Variants in PLEKHA6 observed in about 807,000 individuals in gnomAD.
PLEKHA6 encodes the protein pleckstrin homology domain-containing family A member 6.
In PLEKHA6, 60 loss-of-function variants were observed where a neutral mutation model predicts 116.7. The ratio of observed to expected loss-of-function variants is 0.51; its 90% CI spans 0.42 to 0.64. The LOEUF (loss-of-function observed/expected upper bound fraction) is 0.64. PLEKHA6 is among the 30% of genes least tolerant of loss of function. The pLI is 0.00. For missense variants in PLEKHA6, 1,338 were observed against 1,422.7 expected (o/e 0.94, Z 0.96); for synonymous variants, 489 against 556.1 (o/e 0.88, Z 1.70).
At chr1:204,357,835 C>T (rs887029123) in intron 1 of PLEKHA6, among the ~76,000 whole-genome samples, 11 of 152,240 alleles carry the variant, frequency 7.2e-5, no homozygotes, top group African/African-American at 2.7e-4. Context: ...TCTATGAGCC[C>T]GAGGCTGCAG....
chr1:204,244,078 C>T (rs1374580484), intron 15 of PLEKHA6, among the ~76,000 whole-genome samples: 4 of 152,112 alleles, frequency 2.6e-5, no homozygotes, highest in Non-Finnish European at 5.9e-5. Flanking sequence ...ACCTCAGCCA[C>T]CCAAAGTTCT....
intron 17 of PLEKHA6, among the ~76,000 whole-genome samples, chr1:204,232,082 G>C (rs567931494): frequency 8.5e-5 from 13 of 152,286 alleles, no homozygotes; most frequent in Admixed American, 7.2e-4. Context: ...CGTGTTATTA[G>C]AAAGGGAAGA....
chr1:204,359,195 C>T (rs1174331992), intron 1 of PLEKHA6, among the ~76,000 whole-genome samples: 1 of 152,112 alleles, frequency 6.6e-6, no homozygotes, highest in East Asian at 1.9e-4. Flanking sequence ...CCTCTGTCAC[C>T]CTTCGACCCA....
chr1:204,275,803 T>C (rs1667945200), intron 1 of PLEKHA6: 3 of 686,300 alleles, frequency 4.4e-6, no homozygotes, highest in Non-Finnish European at 5.4e-6. Context: ...ATTCAGCCAG[T>C]GGAGGGACTA....
chr1:204,240,362 G>C (rs1416600533), intron 17 of PLEKHA6, among the ~76,000 whole-genome samples: 1 of 152,216 alleles, frequency 6.6e-6, no homozygotes, highest in East Asian at 1.9e-4. Flanking sequence ...ATACAGAATG[G>C]ATAGCAAAAG....
Position 204,259,106 on chromosome 1 carries a change from G to T in PLEKHA6, c.1007+152C>A. ...GAGCCATGGGGCAGGCAGGATTTGG[G>T]CAAGCCAGGAAGCATGGGATTTGCT... On this transcript the variant is annotated intron_variant, in intron 8 of 22. Transcript: ENST00000272203. This position sits in a 1 kb window ranked among gnomAD's most constrained non-coding sequence, Gnocchi z 4.6. 1 of 878,816 alleles carries T rather than the reference G, an allele frequency of 1.1e-6. No homozygotes were observed. Among genetic ancestry groups the T allele is most frequent in the Non-Finnish European group, 1.7e-6 (1 of 587,882 alleles). The allele number at this position is 878,816 out of a possible 1,614,324, so 54.4% of individuals were successfully genotyped here.
intron 1 of PLEKHA6, chr1:204,281,111 C>T (rs1668546158): frequency 2.6e-6 from 1 of 386,360 alleles, no homozygotes; most frequent in Non-Finnish European, 3.5e-6. Flanking sequence ...CACTTGAGCC[C>T]AGGAGGTCGA....
rs1346164396 is a variant in PLEKHA6 at position 204,250,567 on chromosome 1, C to T, written c.1572G>A (p.Lys524=). ...EVFRDSLHTY[K]LNEQDTDKLL... is the part of the protein sequence containing the mutation. ...TTACATCTGTGTCTTGCTCGTTTAACTTGTAGGTGTGGAGGCTGTCCCGGA... is the reference window on the plus strand; with the variant it reads ...TTACATCTGTGTCTTGCTCGTTTAATTTGTAGGTGTGGAGGCTGTCCCGGA... The change falls in exon 10 of 23, where the codon AAG becomes AAA. Residue 524 remains lysine (K), a synonymous_variant. Coordinates refer to ENST00000272203, the MANE Select transcript of PLEKHA6 (RefSeq NM_014935.5). 6.2e-6 allele frequency: 10 copies of T among 1,612,836 alleles called. No homozygotes were observed. Among genetic ancestry groups the T allele is most frequent in the Non-Finnish European group, 8.5e-6 (10 of 1,179,568 alleles).
chr1:204,297,315 C>T (rs748446627), intron 1 of PLEKHA6: 92 of 537,788 alleles, frequency 1.7e-4, no homozygotes, highest in Non-Finnish European at 2.2e-4. Context: ...AAGACTAATC[C>T]TCGTCCCCCT....
At chr1:204,371,596 T>C (rs534938678) in exon 2 of PLEKHA6, 2 of 152,358 alleles carry the variant, frequency 1.3e-5, no homozygotes, top group South Asian at 4.1e-4. Context: ...CTGGTTGACT[T>C]TTCCTCATCA....
chr1:204,339,764 T>C (rs1387219114), intron 1 of PLEKHA6, among the ~76,000 whole-genome samples: 3 of 152,212 alleles, frequency 2.0e-5, no homozygotes, highest in Admixed American at 1.3e-4. Flanking sequence ...ATGACAGAAT[T>C]ACTTATAGCT....
intron 1 of PLEKHA6, among the ~76,000 whole-genome samples, chr1:204,349,621 G>GGTGGGCT (rs1454184021): frequency 1.3e-5 from 2 of 152,140 alleles, no homozygotes; most frequent in Non-Finnish European, 2.9e-5. Context: ...CAGGCGTTAG[G>GGTGGGCT]GTGGGCTGTG....
At position 204,257,781 on chromosome 1, in the gene PLEKHA6, G is replaced by A. The variant is rs142879968; in HGVS notation, c.1096C>T (p.Pro366Ser). ...SQYPDDYQYYPPGVRPESICS... is the reference protein window; with the variant it reads ...SQYPDDYQYYSPGVRPESICS... ...ATGCTCTCCGGCCGCACTCCTGGCG[G>A]GTAGTACTGATAATCATCGGGGTAC... Residue 366 changes from proline to serine, a missense_variant, in exon 9 of 23, where the codon CCG becomes TCG. Physicochemically the swap from Pro to Ser is moderately conservative, Grantham distance 74. This residue lies in a region of PLEKHA6 where 1,136 missense variants were observed against 1,163.6 expected (regional missense o/e 0.98). Transcript: ENST00000272203. This position sits in a 1 kb window ranked among gnomAD's most constrained non-coding sequence, Gnocchi z 6.5. 4 of 1,613,942 alleles carry A rather than the reference G, an allele frequency of 2.5e-6. No individual in the cohort carries two copies. The African/African-American group carries it at 5.3e-5, about 22-fold the overall frequency.
intron 6 of PLEKHA6, chr1:204,262,159 C>T (rs190335257): frequency 6.6e-6 from 1 of 152,406 alleles, no homozygotes; most frequent in East Asian, 1.9e-4. Context: ...TCCTCTTCTA[C>T]TCAGCATTCC....
intron 13 of PLEKHA6, among the ~76,000 whole-genome samples, 181 bp downstream of exon 13, chr1:204,247,184 A>G (rs1482380204): frequency 6.6e-6 from 1 of 152,178 alleles, no homozygotes; most frequent in Non-Finnish European, 1.5e-5. Context: ...TGTCTAACTG[A>G]AGTCTCCCAA....
intron 1 of PLEKHA6, chr1:204,347,339 C>A: frequency 2.9e-6 from 2 of 678,520 alleles, no homozygotes; most frequent in South Asian, 1.6e-5. Flanking sequence ...TGGCTCTGTT[C>A]TGCCTGGCTC....
At position 204,259,186 on chromosome 1, in the gene PLEKHA6, G is replaced by A. The variant is rs1665764816; in HGVS notation, c.1007+72C>T. 4.6e-6 allele frequency: 7 copies of A among 1,517,664 alleles called. No individual in the cohort carries two copies. In the South Asian group the frequency reaches 7.5e-5, roughly 16 times the overall value. The allele number at this position is 1,517,664 out of a possible 1,614,324, so 94.0% of individuals were successfully genotyped here. A position where few individuals can be genotyped will look rare whatever the true frequency, so the allele number is the denominator to read the frequency against. ...GGTTTCCAACAGGGGATGCCTCGTG[G>A]GCTATGACCCCACTCGCACGCTCTA... is the stretch of plus-strand genomic sequence containing the variant. On this transcript the variant is annotated intron_variant, in intron 8 of 22. Transcript: ENST00000272203. The surrounding 1 kb of genome is among the most constrained non-coding windows in gnomAD (Gnocchi z 4.6).
chr1:204,356,002 A>AC (rs1558199613), intron 1 of PLEKHA6, among the ~76,000 whole-genome samples: 5 of 144,320 alleles, frequency 3.5e-5, no homozygotes, highest in South Asian at 4.3e-4. Context: ...CACACACACA[A>AC]AAAAAATCCA....
chr1:204,322,082 G>T (rs1672083242), intron 1 of PLEKHA6, among the ~76,000 whole-genome samples: 1 of 152,236 alleles, frequency 6.6e-6, no homozygotes, highest in Non-Finnish European at 1.5e-5. Flanking sequence ...GCTAGTCCTC[G>T]AATTAACTCT....
Sources: allele counts gnomAD v4.1 joint callset (sites outside exome capture counted in the v4.1 genomes callset), GRCh38; gene constraint gnomAD v4.1.1; regional missense constraint gnomAD v4.1.1; non-coding constraint Gnocchi (gnomAD v3.1); transcripts MANE v1.5; gene names NCBI Gene and HGNC (gene_info 2026-07-23, HGNC 2026-07-21).